The following JARID2 variants were observed in gnomAD, a reference collection of about 807,000 sequenced individuals.
The protein encoded by JARID2 is protein Jumonji.
In JARID2, 21 loss-of-function variants were observed where a neutral mutation model predicts 125.6. The ratio of observed to expected loss-of-function variants is 0.17; its 90% CI spans 0.12 to 0.24. The LOEUF (loss-of-function observed/expected upper bound fraction) is 0.24, where lower values mean the gene tolerates loss of function less well. Ranked by LOEUF, JARID2 falls within the 10% of genes least tolerant of loss-of-function variation. JARID2 has a pLI of 1.00. For missense variants in JARID2, 1,303 were observed against 1,639.6 expected (o/e 0.79, Z 3.55); for synonymous variants, 736 against 661.6 (o/e 1.11, Z -1.73).
intron 3 of JARID2, among the ~76,000 whole-genome samples, chr6:15,439,309 C>G (rs1767349349): frequency 6.6e-6 from 1 of 152,158 alleles, no homozygotes; most frequent in African/African-American, 2.4e-5. Context: ...TCTCTATCCT[C>G]CTCCTGTACT....
At chr6:15,341,156 A>G (rs1473942876) in intron 1 of JARID2, among the ~76,000 whole-genome samples, 1 of 152,174 alleles carries the variant, frequency 6.6e-6, no homozygotes, top group Non-Finnish European at 1.5e-5. Flanking sequence ...TCTTCTGTGC[A>G]GTTTTGAGAT....
At chr6:15,418,327 C>T (rs1172453758) in intron 3 of JARID2, among the ~76,000 whole-genome samples, 1 of 150,894 alleles carries the variant, frequency 6.6e-6, no homozygotes, top group Non-Finnish European at 1.5e-5. Flanking sequence ...CAAGCCATTC[C>T]ATGCCTCAGC....
At chr6:15,401,102 T>G in intron 2 of JARID2, 1 of 1,288,464 alleles carries the variant, frequency 7.8e-7, no homozygotes, top group African/African-American at 1.5e-5. Context: ...AATAGGCCTT[T>G]GTGGGTTTCC....
chr6:15,415,436 G>C, intron 3 of JARID2, among the ~76,000 whole-genome samples: 1 of 150,040 alleles, frequency 6.7e-6, no homozygotes, highest in Non-Finnish European at 1.5e-5. Flanking sequence ...GGCTGGCCGG[G>C]CGGGGGGCTG....
chr6:15,416,426 C>T (rs1245759086), intron 3 of JARID2, among the ~76,000 whole-genome samples: 2 of 152,234 alleles, frequency 1.3e-5, no homozygotes, highest in African/African-American at 4.8e-5. Context: ...CAGACTCCGT[C>T]TGCAATCCCG....
intron 1 of JARID2, chr6:15,368,636 T>G: frequency 2.2e-6 from 1 of 460,438 alleles, no homozygotes; most frequent in Non-Finnish European, 4.4e-6. Flanking sequence ...TAAGGAATGA[T>G]TAAAGGAACT....
chr6:15,505,473 G>A (rs1770960125), intron 9 of JARID2, among the ~76,000 whole-genome samples: 1 of 151,438 alleles, frequency 6.6e-6, no homozygotes, highest in South Asian at 2.1e-4. Flanking sequence ...TTTTAGACCT[G>A]TGACCTTCAA....
chr6:15,303,978 G>C (rs922373082), intron 1 of JARID2, among the ~76,000 whole-genome samples: 1 of 152,182 alleles, frequency 6.6e-6, no homozygotes, highest in African/African-American at 2.4e-5. Context: ...CGTTTAAGCT[G>C]TGTGACTCTA....
At chr6:15,448,132 T>C (rs1175530321) in intron 3 of JARID2, among the ~76,000 whole-genome samples, 1 of 152,256 alleles carries the variant, frequency 6.6e-6, no homozygotes, top group Non-Finnish European at 1.5e-5. Context: ...TTGGTTTGTC[T>C]TGTTCTTTAG....
chr6:15,498,030 TG>T (rs1770550230), intron 7 of JARID2, among the ~76,000 whole-genome samples: 2 of 152,188 alleles, frequency 1.3e-5, no homozygotes, highest in Admixed American at 1.3e-4. Context: ...ATTACCCTTT[TG>T]AAGACCCTGT....
intron 4 of JARID2, among the ~76,000 whole-genome samples, chr6:15,463,823 C>T (rs1454658668): frequency 6.6e-6 from 1 of 152,202 alleles, no homozygotes; most frequent in Non-Finnish European, 1.5e-5. Flanking sequence ...CCATTTCATA[C>T]TGAGAAATAT....
chr6:15,492,556 G>A (rs1198962858), intron 6 of JARID2, among the ~76,000 whole-genome samples: 1 of 152,232 alleles, frequency 6.6e-6, no homozygotes, highest in African/African-American at 2.4e-5. Context: ...GTCCAGGCCA[G>A]GAAAAGGGGT....
chr6:15,459,355 TATA>T (rs1768338118), intron 4 of JARID2, among the ~76,000 whole-genome samples: 2 of 152,234 alleles, frequency 1.3e-5, no homozygotes, highest in Non-Finnish European at 2.9e-5. Context: ...CTTGATTACT[TATA>T]ATACCTAATA....
Position 15,417,184 on chromosome 6 carries a change from A to G in JARID2, c.323+6819A>G, listed in dbSNP as rs546242854. Among the ~76,000 whole-genome samples the G allele has an allele frequency of 2.6e-5, 4 of 152,292 alleles. No homozygotes were observed. The South Asian group carries it at 6.2e-4, about 24-fold the overall frequency. ...GGGAAGAGGGTAGAAAAATTTCACGAGAACAGTGGTTCTTAAGCGGGTTTT... is the reference window on the plus strand; with the variant it reads ...GGGAAGAGGGTAGAAAAATTTCACGGGAACAGTGGTTCTTAAGCGGGTTTT... On this transcript the variant is annotated intron_variant, in intron 3 of 17. Coordinates refer to ENST00000341776, the MANE Select transcript of JARID2 (RefSeq NM_004973.4).
At chr6:15,359,045 C>T (rs1763701023) in intron 1 of JARID2, among the ~76,000 whole-genome samples, 1 of 152,186 alleles carries the variant, frequency 6.6e-6, no homozygotes, top group Non-Finnish European at 1.5e-5. Context: ...ACACAAACCA[C>T]CAGCAGTGGT....
chr6:15,261,749 A>G (rs1257710294), intron 1 of JARID2, among the ~76,000 whole-genome samples: 2 of 149,904 alleles, frequency 1.3e-5, no homozygotes, highest in Admixed American at 6.6e-5. Flanking sequence ...ACTACGTCCT[A>G]CTGTATATTG....
chr6:15,320,848 C>CTGTGTGTGTGTG (rs764906403), intron 1 of JARID2, among the ~76,000 whole-genome samples: 49 of 135,034 alleles, frequency 3.6e-4, no homozygotes, highest in African/African-American at 1.4e-3. Context: ...TTCTCTCTCT[C>CTGTGTGTGTGTG]TCTCTGTGTG....
intron 1 of JARID2, among the ~76,000 whole-genome samples, chr6:15,326,394 G>GTC (rs1762535323): frequency 6.6e-6 from 1 of 152,206 alleles, no homozygotes; most frequent in Non-Finnish European, 1.5e-5. Flanking sequence ...GGTAGATGGG[G>GTC]TCTCACTATG....
At chr6:15,313,113 AT>A (rs1269008432) in intron 1 of JARID2, among the ~76,000 whole-genome samples, 1 of 152,074 alleles carries the variant, frequency 6.6e-6, no homozygotes, top group Non-Finnish European at 1.5e-5. Flanking sequence ...CTGTTAATGG[AT>A]TGCCGTCGGA....
Sources: allele counts gnomAD v4.1 joint callset (sites outside exome capture counted in the v4.1 genomes callset), GRCh38; gene constraint gnomAD v4.1.1; transcripts MANE v1.5; gene names NCBI Gene and HGNC (gene_info 2026-07-23, HGNC 2026-07-21).